Variants in GNRHR observed in about 807,000 individuals in gnomAD.
GNRHR encodes gonadotropin releasing hormone receptor.
In GNRHR, 14 loss-of-function variants were observed where a neutral mutation model predicts 28.1. The ratio of observed to expected loss-of-function variants is 0.50; its 90% CI spans 0.33 to 0.78. GNRHR has a LOEUF of 0.78. GNRHR is among the 30% of genes least tolerant of loss of function. The pLI is 0.02. For synonymous variants in GNRHR, 141 were observed against 140.5 expected (o/e 1.00, Z -0.02); for missense variants, 366 against 382.1 (o/e 0.96, Z 0.35).
chr4:67,744,435 T>C (rs1021188631), intron 2 of GNRHR, 133 bp downstream of exon 2: 5 of 686,434 alleles, frequency 7.3e-6, no homozygotes, highest in Non-Finnish European at 1.1e-5. Context: ...TATGGGGTGA[T>C]TGTGAATATT....
At position 67,753,920 on chromosome 4, in the gene GNRHR, C is replaced by T. The variant is rs104893842; in HGVS notation, c.416G>A (p.Arg139His). 1.5e-4 allele frequency: 238 copies of T among 1,613,080 alleles called. No homozygotes were observed. Among genetic ancestry groups the T allele is most frequent in the Admixed American group, 1.8e-4 (11 of 59,974 alleles). Reference protein sequence around the residue: ...AFMMVVISLDRSLAITRPLAL... With the variant: ...AFMMVVISLDHSLAITRPLAL... ...TAGGGGCCTCGTGATAGCCAGGGAG[C>T]GGTCCAGGCTGATCACCACCATCAT... Residue 139 changes from arginine (R) to histidine (H), a missense_variant, in exon 1 of 3, where the codon CGC becomes CAC. By Grantham distance (29) the Arg-to-His change is conservative (BLOSUM62 0). Transcript: ENST00000226413.
intron 2 of GNRHR, among the ~76,000 whole-genome samples, chr4:67,741,418 T>G (rs1731657406): frequency 6.6e-6 from 1 of 152,214 alleles, no homozygotes; most frequent in Non-Finnish European, 1.5e-5. Flanking sequence ...CTATAGTACA[T>G]ATATACCACA....
At chr4:67,744,490 A>G (rs1476725068) in intron 2 of GNRHR, 78 bp downstream of exon 2, 6 of 828,152 alleles carry the variant, frequency 7.2e-6, no homozygotes, top group African/African-American at 1.7e-5. Flanking sequence ...TATCTGTCAC[A>G]TAGTTCATGC....
rs985284634 is a variant in GNRHR at position 67,738,079 on chromosome 4, G to T, written c.*2401C>A. On this transcript the variant is annotated 3_prime_UTR_variant, in exon 3 of 3. Coordinates refer to ENST00000226413, the MANE Select transcript of GNRHR (RefSeq NM_000406.3). Reference sequence around the variant, plus strand: ...CATATAGAATAATTATTTGTGTTATGTTTTTTATTACATATTGAACCTTAA... The same window carrying T: ...CATATAGAATAATTATTTGTGTTATTTTTTTTATTACATATTGAACCTTAA... Among the ~76,000 whole-genome samples, 11 of 151,530 alleles carry T rather than the reference G, an allele frequency of 7.3e-5. No individual in the cohort carries two copies. The highest frequency in any genetic ancestry group is 2.7e-4 in the African/African-American group (11 of 41,346).
chr4:67,749,393 A>G (rs1475957271), intron 1 of GNRHR, among the ~76,000 whole-genome samples: 1 of 152,186 alleles, frequency 6.6e-6, no homozygotes, highest in Non-Finnish European at 1.5e-5. Flanking sequence ...TGATAAGCTT[A>G]ACACAGATAA....
At chr4:67,745,828 G>C (rs1047668471) in intron 1 of GNRHR, among the ~76,000 whole-genome samples, 3 of 152,060 alleles carry the variant, frequency 2.0e-5, no homozygotes, top group African/African-American at 7.2e-5. Context: ...TGCTTAAAGT[G>C]TATAACCTGA....
At chr4:67,744,438 T>G in intron 2 of GNRHR, 130 bp downstream of exon 2, 1 of 688,996 alleles carries the variant, frequency 1.5e-6, no homozygotes, top group South Asian at 1.5e-5. Flanking sequence ...GGGGTGATTG[T>G]GAATATTAAA....
At chr4:67,751,059 T>A (rs1271668118) in intron 1 of GNRHR, among the ~76,000 whole-genome samples, 1 of 152,220 alleles carries the variant, frequency 6.6e-6, no homozygotes, top group Non-Finnish European at 1.5e-5. Context: ...CTGGGAATGC[T>A]AATGAATCCT....
At position 67,754,255 on chromosome 4, in the gene GNRHR, G is replaced by T. The variant is rs148702483; in HGVS notation, c.81C>A (p.Asn27Lys). The change falls in exon 1 of 3, where the codon AAC (asparagine) becomes AAA (lysine). Residue 27 changes from asparagine (N) to lysine (K), a missense_variant. Physicochemically the swap from Asn to Lys is moderately conservative, Grantham distance 94. Transcript: ENST00000226413. ...TTCCAGACAAGGTCAGAGTGGGGAG[G>T]TTGCCCTGCATCAGTGGGATGCTGT... The part of the protein sequence containing the change: ...INNSIPLMQG[N>K]LPTLTLSGKI... 6.2e-7 allele frequency: 1 copy of T among 1,613,290 alleles called. No individual in the cohort carries two copies. Among genetic ancestry groups the T allele is most frequent in the African/African-American group, 1.3e-5 (1 of 74,910 alleles).
intron 1 of GNRHR, among the ~76,000 whole-genome samples, chr4:67,752,584 G>C (rs780652816): frequency 2.0e-5 from 3 of 152,034 alleles, no homozygotes; most frequent in Non-Finnish European, 4.4e-5. Context: ...CTCATTTCAG[G>C]TGATATATTT....
intron 1 of GNRHR, among the ~76,000 whole-genome samples, chr4:67,750,638 G>C (rs1191664103): frequency 6.6e-6 from 1 of 152,012 alleles, no homozygotes; most frequent in Non-Finnish European, 1.5e-5. Flanking sequence ...TGGTCATTCT[G>C]AGCTGAGGCA....
Position 67,754,148 on chromosome 4 carries a change from C to A in GNRHR, c.188G>T (p.Trp63Leu), listed in dbSNP as rs766578289. 4 of 1,613,838 alleles carry A rather than the reference C, an allele frequency of 2.5e-6. No individual in the cohort carries two copies. In the South Asian group the frequency reaches 3.3e-5, roughly 13 times the overall value. The stretch of plus-strand genomic sequence containing the variant: ...TTTCCCTTTCTCTTTCTTCTGTGTC[C>A]ACTTCTGAAGTTTCAACAAGAAAGA... ...NASFLLKLQK[W>L]TQKKEKGKKL... The change falls in exon 1 of 3, where the codon TGG (tryptophan) becomes TTG (leucine). Residue 63 changes from tryptophan (W) to leucine (L), a missense_variant. By Grantham distance (61) the Trp-to-Leu change is moderately conservative (BLOSUM62 -2). Transcript: ENST00000226413.
intron 1 of GNRHR, among the ~76,000 whole-genome samples, chr4:67,748,435 G>C (rs1284733148): frequency 1.3e-5 from 2 of 152,040 alleles, no homozygotes; most frequent in East Asian, 1.9e-4. Flanking sequence ...ATTTTTATAT[G>C]TATCCATATG....
Position 67,738,379 on chromosome 4 carries a change from T to C in GNRHR, c.*2101A>G, listed in dbSNP as rs1450008927. ...AATAAAAAATACATTGAAATATATA[T>C]ATTTTTTGCATGAAATGTAGGTTAA... is the stretch of plus-strand genomic sequence containing the variant. On this transcript the variant is annotated 3_prime_UTR_variant, in exon 3 of 3. Coordinates refer to ENST00000226413, the MANE Select transcript of GNRHR (RefSeq NM_000406.3). Among the ~76,000 whole-genome samples the C allele has an allele frequency of 6.6e-6, 1 of 151,702 alleles. No homozygotes were observed. The highest frequency in any genetic ancestry group is 1.5e-5 in the Non-Finnish European group (1 of 67,814).
In GNRHR at chr4:67,744,931, A is replaced by G. The variant is rs1176638280; in HGVS notation, c.523-144T>C. 4.6e-5 allele frequency: 27 copies of G among 592,484 alleles called. No homozygotes were observed. The East Asian group carries it at 7.2e-4, about 16-fold the overall frequency. 36.7% of individuals were successfully genotyped at this position (592,484 alleles called of 1,614,324 possible). Reference sequence around the variant, plus strand: ...GTTATACTTCTGACGTTTCTATGAAAAGTCATGTGAATATTTACTTAAAAT... The same window carrying G: ...GTTATACTTCTGACGTTTCTATGAAGAGTCATGTGAATATTTACTTAAAAT... On this transcript the variant is annotated intron_variant, in intron 1 of 2. Transcript: ENST00000226413.
Position 67,744,798 on chromosome 4 carries a change from C to A in GNRHR, c.523-11G>T, listed in dbSNP as rs1421635551. On this transcript the variant is annotated splice_polypyrimidine_tract_variant and intron_variant, in intron 1 of 2. Transcript: ENST00000226413. ...CCTGAAGATGTATAACTGTATGAGA[C>A]AATAAAAAGCTATGTTACTTTTTTC... 1 of 1,414,282 alleles carries A rather than the reference C, an allele frequency of 7.1e-7. No individual in the cohort carries two copies. The highest frequency in any genetic ancestry group is 2.3e-5 in the East Asian group (1 of 43,948). The allele number at this position is 1,414,282 out of a possible 1,614,324, so 87.6% of individuals were successfully genotyped here.
rs558008136 is a variant in GNRHR, at chr4:67,739,953, G to T, written c.*527C>A. On this transcript the variant is annotated 3_prime_UTR_variant, in exon 3 of 3. Transcript: ENST00000226413. ...GTCAGAATGCTTTTGAAGCCAAAGA[G>T]AAAAATAGATTCATTTTTTTTCTTT... is the stretch of plus-strand genomic sequence containing the variant. The T allele has an allele frequency of 6.5e-6, 1 of 153,144 alleles. No homozygotes were observed. Among genetic ancestry groups the T allele is most frequent in the African/African-American group, 2.4e-5 (1 of 41,546 alleles). 9.5% of individuals were successfully genotyped at this position (153,144 alleles called of 1,614,324 possible).
chr4:67,753,497 C>T (rs1455969287), intron 1 of GNRHR: 3 of 264,690 alleles, frequency 1.1e-5, no homozygotes, highest in Non-Finnish European at 1.4e-5. Flanking sequence ...GTTTGAGAAT[C>T]GCATTTTTTT....
intron 2 of GNRHR, among the ~76,000 whole-genome samples, chr4:67,744,116 A>G (rs1466754005): frequency 6.6e-6 from 1 of 152,242 alleles, no homozygotes; most frequent in African/African-American, 2.4e-5. Context: ...AATATTTCGC[A>G]TATTAACATA....
Sources: gnomAD v4.1 joint callset for allele counts (sites outside exome capture counted in the v4.1 genomes callset) on GRCh38, gnomAD v4.1.1 for gene constraint, MANE v1.5 for transcripts, NCBI Gene and HGNC (gene_info 2026-07-23, HGNC 2026-07-21) for gene names.